Variants in SLC22A15 observed in about 807,000 individuals in gnomAD.
The protein encoded by SLC22A15 is flipt 1.
Under a neutral mutation model 62.7 loss-of-function variants are expected in SLC22A15, and 45 were observed. The ratio of observed to expected loss-of-function variants is 0.72; its 90% CI spans 0.56 to 0.92. The LOEUF (loss-of-function observed/expected upper bound fraction) is 0.92, where lower values mean the gene tolerates loss of function less well. SLC22A15 is among the 40% of genes least tolerant of loss of function. The pLI is 0.00. For synonymous variants in SLC22A15, 264 were observed against 267.0 expected (o/e 0.99, Z 0.11); for missense variants, 622 against 665.6 (o/e 0.93, Z 0.72).
At chr1:115,992,353 T>C in intron 2 of SLC22A15, 110 bp downstream of exon 2, 2 of 963,396 alleles carry the variant, frequency 2.1e-6, no homozygotes, top group East Asian at 5.3e-5. Flanking sequence ...AATAACTTTC[T>C]AGTAAATTTA....
intron 6 of SLC22A15, among the ~76,000 whole-genome samples, chr1:116,033,439 C>G (rs972916488): frequency 3.3e-5 from 5 of 152,104 alleles, no homozygotes; most frequent in African/African-American, 9.7e-5. Flanking sequence ...ATGCTTCATG[C>G]TCTCCCCGTT....
intron 8 of SLC22A15, among the ~76,000 whole-genome samples, chr1:116,039,389 T>C (rs1426686995): frequency 1.3e-5 from 2 of 151,952 alleles, no homozygotes; most frequent in Non-Finnish European, 1.5e-5. Context: ...AAAAATTAGT[T>C]GGGCATGGTG....
At chr1:115,992,300 T>G in intron 2 of SLC22A15, 57 bp downstream of exon 2, 1 of 1,361,140 alleles carries the variant, frequency 7.3e-7, no homozygotes, top group Non-Finnish European at 1.0e-6. Flanking sequence ...CACATAGAGC[T>G]ACTCTTTTTG....
chr1:116,051,251 G>A (rs1658041668), intron 8 of SLC22A15, among the ~76,000 whole-genome samples: 1 of 151,998 alleles, frequency 6.6e-6, no homozygotes, highest in Non-Finnish European at 1.5e-5. Flanking sequence ...GGCCCACATA[G>A]CCAAAGCAAG....
At chr1:116,030,256 A>T (rs1347224565) in intron 5 of SLC22A15, among the ~76,000 whole-genome samples, 1 of 152,108 alleles carries the variant, frequency 6.6e-6, no homozygotes, top group Non-Finnish European at 1.5e-5. Flanking sequence ...CCATTACATT[A>T]CTCTGTACAA....
At chr1:116,066,867 T>C (rs1343156449) in intron 11 of SLC22A15, among the ~76,000 whole-genome samples, 152 bp from the exon 12 acceptor site, 1 of 152,204 alleles carries the variant, frequency 6.6e-6, no homozygotes, top group African/African-American at 2.4e-5. Flanking sequence ...TGATCGATGA[T>C]TCATTAGCTT....
At chr1:116,064,043 T>C (rs1658441724) in intron 9 of SLC22A15, among the ~76,000 whole-genome samples, 1 of 152,220 alleles carries the variant, frequency 6.6e-6, no homozygotes, top group Non-Finnish European at 1.5e-5. Context: ...TGAAAATCCA[T>C]GAGAACTTTT....
chr1:116,050,731 G>C (rs1226136187), intron 8 of SLC22A15, among the ~76,000 whole-genome samples: 1 of 152,128 alleles, frequency 6.6e-6, no homozygotes, highest in African/African-American at 2.4e-5. Context: ...AGAGCAATCA[G>C]ACAAGAGAAA....
rs894293828 is a variant in SLC22A15 at position 115,976,556 on chromosome 1, G to A, written c.-72G>A. 2.0e-4 allele frequency: 240 copies of A among 1,220,838 alleles called. No individual in the cohort carries two copies. Among genetic ancestry groups the A allele is most frequent in the Non-Finnish European group, 2.5e-4 (217 of 885,142 alleles). The allele number at this position is 1,220,838 out of a possible 1,614,324, so 75.6% of individuals were successfully genotyped here. A position where few individuals can be genotyped will look rare whatever the true frequency, so the allele number is the denominator to read the frequency against. On this transcript the variant is annotated 5_prime_UTR_variant, in exon 1 of 12. Transcript: ENST00000369503. ...CCAAGCCGGTGCCGGGCGCCCAGGGGTTGCCGCGCTGGGCGGGAGGGCAGC... is the reference window on the plus strand; with the variant it reads ...CCAAGCCGGTGCCGGGCGCCCAGGGATTGCCGCGCTGGGCGGGAGGGCAGC...
chr1:116,067,539 A>T lies in SLC22A15; in HGVS notation c.*431A>T, dbSNP rs188309139. On this transcript the variant is annotated 3_prime_UTR_variant, in exon 12 of 12. Coordinates refer to ENST00000369503, the MANE Select transcript of SLC22A15 (RefSeq NM_018420.3). ...ATTTAATCCTTATACCATGTTGGAC[A>T]TTTGCCCCTATCAGTTGCTCCTCAG... 1 of 158,538 alleles carries T rather than the reference A, an allele frequency of 6.3e-6. No individual in the cohort carries two copies. The highest frequency in any genetic ancestry group is 2.4e-5 in the African/African-American group (1 of 41,604). 9.8% of individuals were successfully genotyped at this position (158,538 alleles called of 1,614,324 possible).
intron 5 of SLC22A15, among the ~76,000 whole-genome samples, chr1:116,027,733 C>T (rs1031168062): frequency 1.3e-5 from 2 of 151,760 alleles, no homozygotes; most frequent in African/African-American, 4.8e-5. Context: ...TCAAGTGATT[C>T]TCCTGCCTCA....
intron 8 of SLC22A15, among the ~76,000 whole-genome samples, chr1:116,056,132 G>A (rs1241800641): frequency 1.3e-5 from 2 of 151,728 alleles, no homozygotes; most frequent in South Asian, 2.1e-4. Context: ...GTTTGCAGAT[G>A]ACATGATTGT....
At chr1:116,055,275 A>T (rs1658170005) in intron 8 of SLC22A15, among the ~76,000 whole-genome samples, 1 of 152,198 alleles carries the variant, frequency 6.6e-6, no homozygotes, top group African/African-American at 2.4e-5. Context: ...TACTACAAAC[A>T]CCTCTACGCA....
chr1:115,992,018 T>G lies in SLC22A15; in HGVS notation c.88-13T>G. ...TATCTGCAGTGTTTGGTTCTGTGTGTTTGCTCTTTCAGCTCTACGTGGCCA... is the reference window on the plus strand; with the variant it reads ...TATCTGCAGTGTTTGGTTCTGTGTGGTTGCTCTTTCAGCTCTACGTGGCCA... On this transcript the variant is annotated splice_polypyrimidine_tract_variant and intron_variant, in intron 1 of 11. Coordinates refer to ENST00000369503, the MANE Select transcript of SLC22A15 (RefSeq NM_018420.3). The G allele has an allele frequency of 6.2e-7, 1 of 1,611,846 alleles. No homozygotes were observed. Among genetic ancestry groups the G allele is most frequent in the South Asian group, 1.1e-5 (1 of 90,952 alleles).
chr1:116,056,648 T>C (rs1428308159), intron 8 of SLC22A15, among the ~76,000 whole-genome samples: 2 of 151,754 alleles, frequency 1.3e-5, no homozygotes, highest in East Asian at 3.9e-4. Context: ...CTACCTGACT[T>C]CAAACTATAC....
intron 2 of SLC22A15, among the ~76,000 whole-genome samples, chr1:115,997,128 C>A (rs1204088656): frequency 6.6e-6 from 1 of 152,034 alleles, no homozygotes; most frequent in Admixed American, 6.6e-5. Flanking sequence ...TTTATCAAAT[C>A]GAGGAAGCCT....
intron 10 of SLC22A15, 35 bp from the exon 11 acceptor site, chr1:116,066,485 C>T: frequency 2.0e-6 from 3 of 1,495,528 alleles, no homozygotes; most frequent in Non-Finnish European, 2.7e-6. Flanking sequence ...AACTAATTCT[C>T]TGGTTTATTT....
At chr1:116,066,982 C>T in intron 11 of SLC22A15, 37 bp from the exon 12 acceptor site, 1 of 1,501,818 alleles carries the variant, frequency 6.7e-7, no homozygotes, top group Non-Finnish European at 9.2e-7. Context: ...AATGTCATAA[C>T]ATCATTTCAC....
chr1:115,984,681 G>C (rs1019126953), intron 1 of SLC22A15, among the ~76,000 whole-genome samples: 5 of 152,134 alleles, frequency 3.3e-5, no homozygotes, highest in Non-Finnish European at 7.3e-5. Context: ...CCAGAAGAAG[G>C]CATGGTGTGA....
Sources: allele counts gnomAD v4.1 joint callset (sites outside exome capture counted in the v4.1 genomes callset), GRCh38; gene constraint gnomAD v4.1.1; transcripts MANE v1.5; gene names NCBI Gene and HGNC (gene_info 2026-07-23, HGNC 2026-07-21).